The following SKAP2 variants were observed in gnomAD, a reference collection of about 807,000 sequenced individuals.
SKAP2 encodes src kinase-associated phosphoprotein 2.
A neutral mutation model predicts 54.9 loss-of-function variants in SKAP2; 28 were observed. The ratio of observed to expected loss-of-function variants is 0.51; its 90% confidence interval spans 0.38 to 0.70. The LOEUF is 0.70. Ranked by LOEUF, SKAP2 falls within the 30% of genes least tolerant of loss-of-function variation. The pLI is 0.00. For synonymous variants in SKAP2, 137 were observed against 134.3 expected (o/e 1.02, Z -0.14); for missense variants, 356 against 424.1 (o/e 0.84, Z 1.41).
At position 26,670,124 on chromosome 7, in the gene SKAP2, G is replaced by A. The variant is rs143285512; in HGVS notation, c.1056C>T (p.Tyr352=). Residue 352 remains tyrosine (Y), a synonymous_variant, in exon 12 of 13, where the codon TAC becomes TAT. Coordinates refer to ENST00000345317, the MANE Select transcript of SKAP2 (RefSeq NM_003930.5). ...CTCAAATATCATACATCTCCATTAT[G>A]TAGGCTTTAGGCACCAAGCCAATGG... The part of the protein sequence containing the change: ...KGAIGLVPKA[Y]IMEMYDI The A allele has an allele frequency of 3.2e-6, 5 of 1,542,556 alleles. No individual in the cohort carries two copies. In the African/African-American group the frequency reaches 6.8e-5, roughly 21 times the overall value.
At chr7:26,757,506 C>A (rs576894029) in intron 4 of SKAP2, among the ~76,000 whole-genome samples, 3 of 152,048 alleles carry the variant, frequency 2.0e-5, no homozygotes, top group Admixed American at 6.6e-5. Context: ...TATTTCTGAG[C>A]GCTCTGTTCT....
At chr7:26,772,482 T>C (rs1562605033) in intron 4 of SKAP2, among the ~76,000 whole-genome samples, 1 of 152,228 alleles carries the variant, frequency 6.6e-6, no homozygotes, top group Non-Finnish European at 1.5e-5. Context: ...ACATAGGGTA[T>C]GTGGTTTTCT....
intron 4 of SKAP2, among the ~76,000 whole-genome samples, chr7:26,841,179 G>C (rs2127995101): frequency 6.6e-6 from 1 of 152,112 alleles, no homozygotes; most frequent in South Asian, 2.1e-4. Flanking sequence ...CAAAGCTGTG[G>C]CTACTCTAGT....
At chr7:26,718,822 C>G (rs1007943690) in intron 9 of SKAP2, among the ~76,000 whole-genome samples, 3 of 151,660 alleles carry the variant, frequency 2.0e-5, no homozygotes, top group Non-Finnish European at 4.4e-5. Context: ...TTATTTTATG[C>G]ACATCAGGAA....
chr7:26,780,249 A>C (rs1262212946), intron 4 of SKAP2, among the ~76,000 whole-genome samples: 2 of 152,146 alleles, frequency 1.3e-5, no homozygotes, highest in East Asian at 3.8e-4. Context: ...CTGGCACATT[A>C]GCAAATGCTC....
chr7:26,804,524 A>G (rs1447069460), intron 4 of SKAP2, among the ~76,000 whole-genome samples: 1 of 152,148 alleles, frequency 6.6e-6, no homozygotes, highest in East Asian at 1.9e-4. Flanking sequence ...GCAGATCACA[A>G]GGTCAGGAGA....
chr7:26,858,694 C>T (rs558951215), intron 1 of SKAP2, among the ~76,000 whole-genome samples: 2 of 152,184 alleles, frequency 1.3e-5, no homozygotes, highest in African/African-American at 2.4e-5. Flanking sequence ...ATCTAACACA[C>T]ACACACTAAC....
chr7:26,841,927 T>C (rs1784825345), intron 4 of SKAP2, among the ~76,000 whole-genome samples: 1 of 152,002 alleles, frequency 6.6e-6, no homozygotes, highest in Non-Finnish European at 1.5e-5. Flanking sequence ...TGCTTATTGT[T>C]AAATGCATTA....
At position 26,823,075 on chromosome 7, in the gene SKAP2, A is replaced by G. The variant is rs567878680; in HGVS notation, c.307+20955T>C. Among the ~76,000 whole-genome samples the G allele has an allele frequency of 5.9e-5, 9 of 152,254 alleles. No individual in the cohort carries two copies. In the East Asian group the frequency reaches 1.7e-3, roughly 30 times the overall value. On this transcript the variant is annotated intron_variant, in intron 4 of 12. Coordinates refer to ENST00000345317, the MANE Select transcript of SKAP2 (RefSeq NM_003930.5). ...ACAGCCAAGTTGTGAATGCAAATGA[A>G]AAGTCCTTGAAGGAAAACAAAAGTG...
intron 10 of SKAP2, among the ~76,000 whole-genome samples, chr7:26,687,109 TATG>T (rs1342882710): frequency 1.3e-5 from 2 of 151,360 alleles, no homozygotes; most frequent in African/African-American, 4.9e-5. Flanking sequence ...AAGAAAAGTA[TATG>T]GTGATTTCTA....
chr7:26,740,101 G>T, intron 4 of SKAP2, 137 bp from the exon 5 acceptor site: 1 of 453,948 alleles, frequency 2.2e-6, no homozygotes, highest in Non-Finnish European at 3.9e-6. Flanking sequence ...CTTTGTTTCA[G>T]ATCCATTCCC....
rs1786503925 is a variant in SKAP2, at chr7:26,681,690, T to C, written c.987+3046A>G. The stretch of plus-strand genomic sequence containing the variant: ...TTACTAAAAGAAAGCTGCATATCTT[T>C]AAAATCTTTTAAATGGTCTTATTTA... On this transcript the variant is annotated intron_variant, in intron 11 of 12. Transcript: ENST00000345317. Among the ~76,000 whole-genome samples the C allele has an allele frequency of 2.6e-5, 4 of 152,350 alleles. No individual in the cohort carries two copies. In the South Asian group the frequency reaches 8.3e-4, roughly 32 times the overall value.
At chr7:26,753,256 T>C (rs140413380) in intron 4 of SKAP2, among the ~76,000 whole-genome samples, 35 of 152,312 alleles carry the variant, frequency 2.3e-4, no homozygotes, top group African/African-American at 7.9e-4. Flanking sequence ...AGAGTGTCTT[T>C]TTCACTGGAA....
chr7:26,744,695 T>C (rs1782525063), intron 4 of SKAP2, among the ~76,000 whole-genome samples: 1 of 151,990 alleles, frequency 6.6e-6, no homozygotes, highest in South Asian at 2.1e-4. Flanking sequence ...TTCCCTAACA[T>C]TGATGTGTCT....
Position 26,667,402 on chromosome 7 carries a change from A to T in SKAP2, c.*2264T>A, listed in dbSNP as rs535913769. 2.0e-5 allele frequency: 3 copies of T among 152,342 alleles called. No homozygotes were observed. The highest frequency in any genetic ancestry group is 7.2e-5 in the African/African-American group (3 of 41,584). 9.4% of individuals were successfully genotyped at this position (152,342 alleles called of 1,614,324 possible). ...GTAAAGAAAACTCTCCCTGGTTTGT[A>T]TACAAATGATTTCATCAAATGAATA... On this transcript the variant is annotated 3_prime_UTR_variant, in exon 13 of 13. Coordinates refer to ENST00000345317, the MANE Select transcript of SKAP2 (RefSeq NM_003930.5).
At chr7:26,839,671 C>T (rs1261177827) in intron 4 of SKAP2, among the ~76,000 whole-genome samples, 2 of 151,616 alleles carry the variant, frequency 1.3e-5, no homozygotes, top group Non-Finnish European at 2.9e-5. Flanking sequence ...CCTTTTTTTC[C>T]AGTTTTAAAC....
At chr7:26,800,793 C>T (rs1032237761) in intron 4 of SKAP2, among the ~76,000 whole-genome samples, 1 of 151,976 alleles carries the variant, frequency 6.6e-6, no homozygotes, top group Non-Finnish European at 1.5e-5. Flanking sequence ...CCAAGATGAA[C>T]CAGGAAGAAA....
intron 4 of SKAP2, among the ~76,000 whole-genome samples, 187 bp from the exon 5 acceptor site, chr7:26,740,151 TA>T (rs60264987): frequency 0.11 from 14,214 of 129,330 alleles, 692 homozygotes; most frequent in Middle Eastern, 0.18. Flanking sequence ...GTCTCAAAAG[TA>T]AAAAAAAAAA....
intron 1 of SKAP2, chr7:26,857,545 C>G (rs1309740884): frequency 2.0e-6 from 2 of 985,398 alleles, no homozygotes; most frequent in Non-Finnish European, 2.4e-6. Context: ...GAGCAACACA[C>G]CGATCCTGAT....
Sources: gnomAD v4.1 joint callset for allele counts (sites outside exome capture counted in the v4.1 genomes callset) on GRCh38, gnomAD v4.1.1 for gene constraint, MANE v1.5 for transcripts, NCBI Gene and HGNC (gene_info 2026-07-23, HGNC 2026-07-21) for gene names.